Variants in TRPC1 observed in about 807,000 individuals in gnomAD.
TRPC1 encodes the protein transient receptor potential cation channel subfamily C member 1, also known as short transient receptor potential channel 1.
A neutral mutation model predicts 88.2 loss-of-function variants in TRPC1; 42 were observed. The ratio of observed to expected loss-of-function variants is 0.48; its 90% CI spans 0.37 to 0.62. The LOEUF is 0.62. Among genes scored for constraint, TRPC1 ranks in the 20% least tolerant of loss-of-function variants. TRPC1 has a pLI of 0.00. For missense variants in TRPC1, 699 were observed against 957.3 expected (o/e 0.73, Z 3.56); for synonymous variants, 288 against 331.8 (o/e 0.87, Z 1.43).
chr3:142,780,908 G>C lies in TRPC1; in HGVS notation c.839G>C (p.Arg280Pro). The C allele has an allele frequency of 1.2e-6, 2 of 1,613,840 alleles. No individual in the cohort carries two copies. Among genetic ancestry groups the C allele is most frequent in the South Asian group, 1.1e-5 (1 of 91,024 alleles). ...TTACTTGCACAAGCCCGGAATTCTC[G>C]TGAATTGGAAGTTATTCTAAACCAT... ...KDLLAQARNS[R>P]ELEVILNHTS... Residue 280 changes from arginine (R) to proline (P), a missense_variant, in exon 6 of 13, where the codon CGT (arginine) becomes CCT (proline). Physicochemically the swap from Arg to Pro is moderately radical, Grantham distance 103 (BLOSUM62 -2). Around this residue, in one of 4 missense-constraint regions of TRPC1, gnomAD observed 426 missense variants for 641.3 expected, o/e 0.66. Transcript: ENST00000476941.
chr3:142,756,595 G>A (rs1411404869), intron 4 of TRPC1, among the ~76,000 whole-genome samples: 2 of 151,972 alleles, frequency 1.3e-5, no homozygotes, highest in Admixed American at 6.5e-5. Flanking sequence ...TCCTGACCTC[G>A]TGATCCGCCT....
chr3:142,761,902 A>G (rs920168571), intron 4 of TRPC1, among the ~76,000 whole-genome samples: 2 of 151,928 alleles, frequency 1.3e-5, no homozygotes, highest in Non-Finnish European at 2.9e-5. Context: ...TTGTATTTCT[A>G]AGGTTTCAGT....
chr3:142,733,919 G>A (rs1934028875), intron 1 of TRPC1, among the ~76,000 whole-genome samples: 1 of 152,208 alleles, frequency 6.6e-6, no homozygotes, highest in Non-Finnish European at 1.5e-5. Flanking sequence ...GGGCATTGCA[G>A]GGATTTGAGT....
At chr3:142,733,626 A>G (rs1934017607) in intron 1 of TRPC1, among the ~76,000 whole-genome samples, 2 of 152,232 alleles carry the variant, frequency 1.3e-5, no homozygotes, top group Admixed American at 6.5e-5. Flanking sequence ...TCTATTTGCT[A>G]TACCTGAAAT....
chr3:142,726,517 C>A (rs957583860), intron 1 of TRPC1, among the ~76,000 whole-genome samples: 1 of 151,926 alleles, frequency 6.6e-6, no homozygotes, highest in South Asian at 2.1e-4. Context: ...TGCATATTTT[C>A]CCCATATATA....
At chr3:142,800,118 A>C (rs1936573995) in intron 9 of TRPC1, among the ~76,000 whole-genome samples, 1 of 152,144 alleles carries the variant, frequency 6.6e-6, no homozygotes, top group Non-Finnish European at 1.5e-5. Flanking sequence ...CTTTATTCTA[A>C]GCAATCACAA....
intron 6 of TRPC1, among the ~76,000 whole-genome samples, chr3:142,783,046 G>A (rs1936014037): frequency 6.6e-6 from 1 of 152,226 alleles, no homozygotes; most frequent in East Asian, 1.9e-4. Flanking sequence ...TTGAATTGAA[G>A]AGTAGGAAAT....
At chr3:142,779,539 G>A (rs13320613) in intron 5 of TRPC1, among the ~76,000 whole-genome samples, 4,533 of 152,182 alleles carry the variant, frequency 0.03, 240 homozygotes, top group African/African-American at 0.1. Context: ...AGGGAGTGCC[G>A]CATTTGTTAA....
intron 4 of TRPC1, among the ~76,000 whole-genome samples, chr3:142,774,719 T>A (rs1323693201): frequency 1.3e-5 from 2 of 152,190 alleles, no homozygotes; most frequent in Non-Finnish European, 2.9e-5. Context: ...TTATGTATTT[T>A]TTTTTTGTGG....
intron 9 of TRPC1, among the ~76,000 whole-genome samples, chr3:142,797,743 G>C (rs1936497085): frequency 6.6e-6 from 1 of 151,982 alleles, no homozygotes; most frequent in Admixed American, 6.6e-5. Flanking sequence ...CTTGACACAT[G>C]GTGGGCTTTA....
chr3:142,791,334 A>G (rs980123488), intron 8 of TRPC1, among the ~76,000 whole-genome samples, 176 bp downstream of exon 8: 1 of 152,114 alleles, frequency 6.6e-6, no homozygotes, highest in African/African-American at 2.4e-5. Flanking sequence ...TACAGGTGTT[A>G]CTTACCTTTA....
Position 142,792,872 on chromosome 3 carries a change from C to T in TRPC1, c.1486C>T (p.Leu496=), listed in dbSNP as rs371483638. The part of the protein sequence containing the change: ...RKDWDAFHPT[L]VAEGLFAFAN... ...GGATTGGGATGCATTCCATCCTACA[C>T]TGGTGGCAGAAGGGCTTTTTGCATT... The change falls in exon 9 of 13, where the codon CTG becomes TTG. Residue 496 remains leucine (L), a synonymous_variant. Transcript: ENST00000476941. The surrounding 1 kb of genome is among the most constrained non-coding windows in gnomAD (Gnocchi z 4.0). 4.4e-6 allele frequency: 7 copies of T among 1,609,178 alleles called. No individual in the cohort carries two copies. The highest frequency in any genetic ancestry group is 5.9e-6 in the Non-Finnish European group (7 of 1,177,378).
intron 9 of TRPC1, chr3:142,801,058 C>G (rs868125651): frequency 6.6e-6 from 1 of 151,848 alleles, no homozygotes; most frequent in African/African-American, 2.4e-5. Context: ...AAATATGTAT[C>G]TTGTCTATCC....
chr3:142,798,006 T>A (rs919968699), intron 9 of TRPC1, among the ~76,000 whole-genome samples: 1 of 152,024 alleles, frequency 6.6e-6, no homozygotes, highest in Non-Finnish European at 1.5e-5. Flanking sequence ...TTGGTGTATA[T>A]TAGAGTTAGA....
chr3:142,790,245 C>T (rs1417418954), intron 7 of TRPC1, among the ~76,000 whole-genome samples: 1 of 151,942 alleles, frequency 6.6e-6, no homozygotes, highest in Non-Finnish European at 1.5e-5. Context: ...AGCAAGGAGG[C>T]CAGCGCGACT....
At position 142,792,853 on chromosome 3, in the gene TRPC1, G is replaced by A; in HGVS notation, c.1467G>A (p.Trp489Ter). ...ATGATTTTGCTGATCGGAAGGATTG[G>A]GATGCATTCCATCCTACACTGGTGG... ...KFHDFADRKDWDAFHPTLVAE... is the reference protein window; with the variant it reads ...KFHDFADRKD Residue 489 changes from tryptophan to a stop codon, truncating the protein, a stop_gained, in exon 9 of 13, where the codon TGG (tryptophan) becomes TGA (stop). Coordinates refer to ENST00000476941, the MANE Select transcript of TRPC1 (RefSeq NM_001251845.2). LOFTEE classifies it high-confidence loss of function. This position sits in a 1 kb window ranked among gnomAD's most constrained non-coding sequence, Gnocchi z 4.0. The A allele has an allele frequency of 6.3e-7, 1 of 1,599,046 alleles. No homozygotes were observed. Among genetic ancestry groups the A allele is most frequent in the Non-Finnish European group, 8.5e-7 (1 of 1,172,250 alleles).
Position 142,748,394 on chromosome 3 carries a change from A to G in TRPC1, c.566A>G (p.His189Arg). ...CAGGATGTATCTCTACCCAAGCCCCATGCAGTTGGCTGTGAATGCACATTG... is the reference window on the plus strand; with the variant it reads ...CAGGATGTATCTCTACCCAAGCCCCGTGCAGTTGGCTGTGAATGCACATTG... ...LKQDVSLPKP[H>R]AVGCECTLCS... is the part of the protein sequence containing the mutation. Residue 189 changes from histidine to arginine, a missense_variant, in exon 4 of 13, where the codon CAT becomes CGT. Physicochemically the swap from His to Arg is conservative, Grantham distance 29 (BLOSUM62 0). Around this residue, in one of 4 missense-constraint regions of TRPC1, gnomAD observed 426 missense variants for 641.3 expected, o/e 0.66. Coordinates refer to ENST00000476941, the MANE Select transcript of TRPC1 (RefSeq NM_001251845.2). The G allele has an allele frequency of 1.2e-6, 2 of 1,614,046 alleles. No homozygotes were observed. The highest frequency in any genetic ancestry group is 2.2e-5 in the East Asian group (1 of 44,882).
intron 9 of TRPC1, among the ~76,000 whole-genome samples, chr3:142,797,366 T>A (rs1467348939): frequency 6.6e-6 from 1 of 152,012 alleles, no homozygotes; most frequent in Non-Finnish European, 1.5e-5. Context: ...AGGCACCACA[T>A]ACACTGATTA....
chr3:142,797,386 G>C (rs2108153796), intron 9 of TRPC1, among the ~76,000 whole-genome samples: 1 of 152,108 alleles, frequency 6.6e-6, no homozygotes, highest in South Asian at 2.1e-4. Flanking sequence ...AGGTTTCTCT[G>C]AGGAGGAGCC....
Sources: gnomAD v4.1 joint callset for allele counts (sites outside exome capture counted in the v4.1 genomes callset) on GRCh38, gnomAD v4.1.1 for gene constraint, gnomAD v4.1.1 regional missense constraint, Gnocchi (gnomAD v3.1) non-coding constraint, MANE v1.5 for transcripts, NCBI Gene and HGNC (gene_info 2026-07-23, HGNC 2026-07-21) for gene names.